Variants in SGCG observed in about 807,000 individuals in gnomAD.
The protein encoded by SGCG is gamma-sarcoglycan.
In SGCG, 26 loss-of-function variants were observed where a neutral mutation model predicts 29.3. The observed-to-expected ratio is 0.89, with a 90% CI of 0.65 to 1.23. The LOEUF is 1.23. Ranked by LOEUF, SGCG falls within the 50% of genes most tolerant of loss-of-function variation. The pLI, the probability that SGCG is intolerant of heterozygous loss-of-function variation, is 0.00. For missense variants in SGCG, 353 were observed against 356.0 expected, an observed-to-expected ratio of 0.99 and a Z score of 0.07; for synonymous variants, 145 against 129.7, an observed-to-expected ratio of 1.12 and a Z score of -0.80.
At chr13:23,253,619 A>T (rs1880060396) in intron 4 of SGCG, among the ~76,000 whole-genome samples, 1 of 152,256 alleles carries the variant, frequency 6.6e-6, no homozygotes, top group South Asian at 2.1e-4. Context: ...AACAATTTGC[A>T]TTCAATACAG....
intron 1 of SGCG, among the ~76,000 whole-genome samples, chr13:23,185,388 C>T (rs1565990861): frequency 6.6e-6 from 1 of 152,142 alleles, no homozygotes; most frequent in African/African-American, 2.4e-5. Flanking sequence ...GACAGGGTTT[C>T]GTCATGTTGG....
rs1191940207 is a variant in SGCG at position 23,299,407 on chromosome 13, CATAT to C, written c.578+3967_578+3970del. ...AAAGATTCTGGAATATCTTAGTTGG[CATAT>C]ATATATATATATATATATATATATA... is the stretch of plus-strand genomic sequence containing the variant. On this transcript the variant is annotated intron_variant, in intron 6 of 7. Coordinates refer to ENST00000218867, the MANE Select transcript of SGCG (RefSeq NM_000231.3). Among the ~76,000 whole-genome samples, 215 of 23,708 alleles carry C rather than the reference CATAT, an allele frequency of 9.1e-3. 6 individuals carry two copies. Among genetic ancestry groups the C allele is most frequent in the East Asian group, 0.023 (5 of 218 alleles). The allele number at this position is 23,708 out of a possible 152,430, so 15.6% of individuals were successfully genotyped here. A position where few individuals can be genotyped will look rare whatever the true frequency, so the allele number is the denominator to read the frequency against.
chr13:23,192,382 G>GTTTTA (rs1180500545), intron 1 of SGCG, among the ~76,000 whole-genome samples: 2 of 151,430 alleles, frequency 1.3e-5, no homozygotes, highest in East Asian at 1.9e-4. Context: ...ATTTTGTTTT[G>GTTTTA]TTTTATTTTA....
chr13:23,195,866 T>C (rs1462347484), intron 1 of SGCG, among the ~76,000 whole-genome samples: 1 of 152,010 alleles, frequency 6.6e-6, no homozygotes, highest in Non-Finnish European at 1.5e-5. Context: ...AGTAATGAAG[T>C]TGGGATGAGT....
chr13:23,166,265 G>A, the SGCG span, among the ~76,000 whole-genome samples: 7 of 151,950 alleles, frequency 4.6e-5, no homozygotes, highest in South Asian at 8.3e-4. Context: ...GCAGAGTCTC[G>A]GCTCACTGCA....
chr13:23,282,793 GT>G (rs1291869405), intron 5 of SGCG, among the ~76,000 whole-genome samples: 1 of 152,176 alleles, frequency 6.6e-6, no homozygotes, highest in Non-Finnish European at 1.5e-5. Flanking sequence ...GCTGGATAAT[GT>G]TTTTGGTGGA....
intron 6 of SGCG, among the ~76,000 whole-genome samples, chr13:23,299,824 C>T (rs191131320): frequency 9.8e-4 from 149 of 152,174 alleles, no homozygotes; most frequent in Middle Eastern, 6.8e-3. Flanking sequence ...CTTAAAGCAA[C>T]CTTGCATTCA....
intron 3 of SGCG, among the ~76,000 whole-genome samples, chr13:23,236,063 G>A (rs143771188): frequency 6.6e-6 from 1 of 152,328 alleles, no homozygotes; most frequent in African/African-American, 2.4e-5. Context: ...GGCAGTGGGA[G>A]CCAGAAGATG....
At chr13:23,289,115 A>G (rs1385663331) in intron 5 of SGCG, among the ~76,000 whole-genome samples, 1 of 152,238 alleles carries the variant, frequency 6.6e-6, no homozygotes, top group South Asian at 2.1e-4. Flanking sequence ...AAAGACGTGA[A>G]GACAGATATC....
chr13:23,248,565 G>C (rs928901515), intron 3 of SGCG, among the ~76,000 whole-genome samples: 1 of 151,544 alleles, frequency 6.6e-6, no homozygotes, highest in South Asian at 2.1e-4. Context: ...GTGGCAGCAG[G>C]CGCCTGTAGT....
At chr13:23,275,940 G>T (rs1881051810) in intron 4 of SGCG, among the ~76,000 whole-genome samples, 1 of 152,120 alleles carries the variant, frequency 6.6e-6, no homozygotes, top group African/African-American at 2.4e-5. Flanking sequence ...GAGACACATT[G>T]TATATAAGGA....
At chr13:23,287,574 C>A (rs1471691171) in intron 5 of SGCG, among the ~76,000 whole-genome samples, 1 of 152,138 alleles carries the variant, frequency 6.6e-6, no homozygotes, top group Non-Finnish European at 1.5e-5. Context: ...ACATGAGGAT[C>A]GTTTTAAGTA....
chr13:23,192,708 A>AAT (rs1374459581), intron 1 of SGCG, among the ~76,000 whole-genome samples: 1 of 152,176 alleles, frequency 6.6e-6, no homozygotes, highest in African/African-American at 2.4e-5. Flanking sequence ...TAGGGTCTTT[A>AAT]TTAAAGAACA....
intron 1 of SGCG, among the ~76,000 whole-genome samples, chr13:23,199,409 A>G (rs9578554): frequency 0.23 from 34,367 of 152,214 alleles, 4,183 homozygotes; most frequent in East Asian, 0.35. Context: ...CTGACCTCCA[A>G]GTGCTGAAGC....
At chr13:23,265,799 G>C (rs1880616484) in intron 4 of SGCG, among the ~76,000 whole-genome samples, 1 of 152,154 alleles carries the variant, frequency 6.6e-6, no homozygotes, top group South Asian at 2.1e-4. Flanking sequence ...GGTGAAAAAG[G>C]AATGCTTAGA....
upstream of SGCG, among the ~76,000 whole-genome samples, chr13:23,177,131 A>G (rs1593155662): frequency 6.6e-6 from 1 of 152,280 alleles, no homozygotes; most frequent in African/African-American, 2.4e-5. Flanking sequence ...TGAAAAGACA[A>G]ATACTGCATG....
chr13:23,172,772 G>T, the SGCG span, among the ~76,000 whole-genome samples: 1 of 152,222 alleles, frequency 6.6e-6, no homozygotes, highest in Non-Finnish European at 1.5e-5. Context: ...TGGATGAACA[G>T]GTTATAGACA....
chr13:23,247,484 T>C (rs1296355718), intron 3 of SGCG, among the ~76,000 whole-genome samples: 2 of 152,144 alleles, frequency 1.3e-5, no homozygotes, highest in African/African-American at 4.8e-5. Flanking sequence ...GAGAGTTTGA[T>C]AGAATACAAA....
chr13:23,196,367 T>C (rs534192474), intron 1 of SGCG, among the ~76,000 whole-genome samples: 1 of 82,948 alleles, frequency 1.2e-5, no homozygotes, highest in Non-Finnish European at 2.4e-5. Flanking sequence ...TAGTGCCCAA[T>C]ATCTTTTGGG....
Sources: gnomAD v4.1 joint callset for allele counts (sites outside exome capture counted in the v4.1 genomes callset) on GRCh38, gnomAD v4.1.1 for gene constraint, MANE v1.5 for transcripts, NCBI Gene and HGNC (gene_info 2026-07-23, HGNC 2026-07-21) for gene names.